CCNB3: variants seen among roughly 807,000 people sequenced by gnomAD.
CCNB3 encodes the protein G2/mitotic-specific cyclin-B3.
In CCNB3, 12 loss-of-function variants were observed where a neutral mutation model predicts 68.0. That is an observed-to-expected ratio of 0.18 (90% CI 0.11 to 0.29). The LOEUF (loss-of-function observed/expected upper bound fraction) is 0.29, where lower values mean the gene tolerates loss of function less well. Ranked by LOEUF, CCNB3 falls within the 10% of genes least tolerant of loss-of-function variation. CCNB3 has a pLI of 1.00. For synonymous variants in CCNB3, 354 were observed against 388.9 expected (o/e 0.91, Z 1.06); for missense variants, 904 against 993.1 (o/e 0.91, Z 1.21).
chrX:50,329,546 A>G (rs1922482046), intron 8 of CCNB3, among the ~76,000 whole-genome samples: 1 of 112,744 alleles, frequency 8.9e-6, no homozygotes, highest in African/African-American at 3.2e-5. Context: ...TGCGGGGAGC[A>G]GTGTCCTGAG....
intron 1 of CCNB3, among the ~76,000 whole-genome samples, chrX:50,220,044 G>T (rs1935643351): frequency 9.0e-6 from 1 of 111,441 alleles, no homozygotes; most frequent in African/African-American, 3.3e-5. Flanking sequence ...TTGTGAATGG[G>T]AGCTCACTCA....
At chrX:50,313,487 T>C in intron 7 of CCNB3, among the ~76,000 whole-genome samples, 1 of 112,333 alleles carries the variant, frequency 8.9e-6, no homozygotes, top group Non-Finnish European at 1.9e-5. Context: ...AAGTTTTACA[T>C]GATCCCCAAG....
chrX:50,217,413 C>G (rs1252364065), intron 1 of CCNB3, among the ~76,000 whole-genome samples: 2 of 108,288 alleles, frequency 1.8e-5, no homozygotes, highest in Non-Finnish European at 3.8e-5. Flanking sequence ...GCTGGGACTA[C>G]AGGCGTCCGC....
chrX:50,299,658 G>T (rs1255677374), intron 5 of CCNB3, among the ~76,000 whole-genome samples: 1 of 110,941 alleles, frequency 9.0e-6, no homozygotes, highest in African/African-American at 3.3e-5. Flanking sequence ...TCCACTTGGT[G>T]CAGAGCTGAG....
upstream of CCNB3, among the ~76,000 whole-genome samples, chrX:50,203,108 A>G (rs1935291752): frequency 9.0e-6 from 1 of 111,386 alleles, no homozygotes; most frequent in African/African-American, 3.3e-5. Context: ...CTTGGTCATC[A>G]TTTTTTTTCT....
At chrX:50,346,165 C>T (rs1276991524) in intron 9 of CCNB3, among the ~76,000 whole-genome samples, 2 of 112,346 alleles carry the variant, frequency 1.8e-5, no homozygotes, top group Non-Finnish European at 3.8e-5. Flanking sequence ...CTGTCTGCCT[C>T]TCCACTTCTC....
At chrX:50,340,133 A>G (rs1413089510) in intron 8 of CCNB3, among the ~76,000 whole-genome samples, 1 of 112,101 alleles carries the variant, frequency 8.9e-6, no homozygotes, top group African/African-American at 3.2e-5. Flanking sequence ...TCGGATAATC[A>G]TTCATCCATG....
chrX:50,218,266 A>G (rs1400762031), intron 1 of CCNB3, among the ~76,000 whole-genome samples: 2 of 111,293 alleles, frequency 1.8e-5, no homozygotes, highest in Non-Finnish European at 3.8e-5. Context: ...CATCTATTTT[A>G]TTGATCATAG....
intron 8 of CCNB3, among the ~76,000 whole-genome samples, chrX:50,325,057 A>G (rs1161158567): frequency 9.0e-6 from 1 of 111,412 alleles, no homozygotes; most frequent in Non-Finnish European, 1.9e-5. Context: ...TAAATGATTC[A>G]CTGAAGAACT....
chrX:50,213,788 T>G (rs1335628079), intron 1 of CCNB3, among the ~76,000 whole-genome samples: 5 of 111,864 alleles, frequency 4.5e-5, no homozygotes, highest in African/African-American at 1.6e-4. Context: ...AATTTATGTG[T>G]GTAGTGTTGT....
At chrX:50,295,792 A>G (rs1263855230) in intron 5 of CCNB3, among the ~76,000 whole-genome samples, 1 of 111,470 alleles carries the variant, frequency 9.0e-6, no homozygotes, top group Non-Finnish European at 1.9e-5. Flanking sequence ...TTTAGCCAAC[A>G]CATACCAGTA....
intron 8 of CCNB3, among the ~76,000 whole-genome samples, chrX:50,322,329 C>T (rs1312437469): frequency 9.0e-6 from 1 of 110,976 alleles, no homozygotes; most frequent in Non-Finnish European, 1.9e-5. Context: ...GGAAAGGATT[C>T]CCTATTTAAT....
intron 5 of CCNB3, among the ~76,000 whole-genome samples, chrX:50,295,397 G>A (rs1176119574): frequency 9.0e-6 from 1 of 111,331 alleles, no homozygotes; most frequent in Non-Finnish European, 1.9e-5. Context: ...TTTGTCCCAT[G>A]TTACTGGAGA....
chrX:50,293,544 T>A (rs1936388928), intron 4 of CCNB3, among the ~76,000 whole-genome samples: 1 of 111,546 alleles, frequency 9.0e-6, no homozygotes, highest in East Asian at 2.8e-4. Context: ...AATCATGAAT[T>A]CATGCAGCTT....
At chrX:50,312,714 G>C in intron 7 of CCNB3, 82 bp downstream of exon 7, 1 of 605,799 alleles carries the variant, frequency 1.7e-6, no homozygotes, top group Non-Finnish European at 2.7e-6. Flanking sequence ...AAGTTGAAAG[G>C]GGTGGTAATA....
chrX:50,228,891 A>T (rs1452235039), intron 1 of CCNB3, among the ~76,000 whole-genome samples: 3 of 68,851 alleles, frequency 4.4e-5, no homozygotes, highest in Non-Finnish European at 7.4e-5. Context: ...TGTAGAATAT[A>T]TATATAGAAT....
upstream of CCNB3, among the ~76,000 whole-genome samples, chrX:50,203,042 G>A (rs1557205026): frequency 8.9e-6 from 1 of 111,742 alleles, no homozygotes; most frequent in Non-Finnish European, 1.9e-5. Context: ...TGTGTGAATA[G>A]TCTGCACTTA....
chrX:50,280,524 C>A (rs1261739119), intron 1 of CCNB3, among the ~76,000 whole-genome samples: 1 of 108,841 alleles, frequency 9.2e-6, no homozygotes, highest in Non-Finnish European at 1.9e-5. Context: ...GTAGGTAGCA[C>A]GTTTTGAATT....
intron 8 of CCNB3, among the ~76,000 whole-genome samples, chrX:50,325,849 G>C (rs1922271842): frequency 9.0e-6 from 1 of 110,998 alleles, no homozygotes; most frequent in Non-Finnish European, 1.9e-5. Context: ...ACTATAAATT[G>C]TTTAGGGTGT....
Sources: allele counts gnomAD v4.1 joint callset (sites outside exome capture counted in the v4.1 genomes callset), GRCh38; gene constraint gnomAD v4.1.1; transcripts MANE v1.5; gene names NCBI Gene and HGNC (gene_info 2026-07-23, HGNC 2026-07-21).